OSBPL6: variants seen among roughly 807,000 people sequenced by gnomAD.
OSBPL6 encodes the protein oxysterol-binding protein-related protein 6.
Under a neutral mutation model 125.8 loss-of-function variants are expected in OSBPL6, and 49 were observed. The observed-to-expected ratio is 0.39, with a 90% CI of 0.31 to 0.49. The LOEUF (loss-of-function observed/expected upper bound fraction) is 0.49, where lower values mean the gene tolerates loss of function less well. OSBPL6 is among the 20% of genes least tolerant of loss of function. The probability of loss-of-function intolerance (pLI) is 0.88; values close to 1 mark genes in which losing one functional copy is unlikely to be tolerated. For missense variants in OSBPL6, 986 were observed against 1,135.4 expected, an observed-to-expected ratio of 0.87 and a Z score of 1.89; for synonymous variants, 394 against 391.8, an observed-to-expected ratio of 1.01 and a Z score of -0.07.
intron 20 of OSBPL6, among the ~76,000 whole-genome samples, chr2:178,388,609 A>T (rs565359715): frequency 6.6e-6 from 1 of 152,230 alleles, no homozygotes; most frequent in Non-Finnish European, 1.5e-5. Flanking sequence ...CTTACACGAA[A>T]CCCAGCCTCT....
rs1013370686 is a variant in OSBPL6 at position 178,338,844 on chromosome 2, C to G, written c.791-147C>G. 6.9e-6 allele frequency: 4 copies of G among 583,728 alleles called. No individual in the cohort carries two copies. The African/African-American group carries it at 7.6e-5, about 11-fold the overall frequency. 36.2% of individuals were successfully genotyped at this position (583,728 alleles called of 1,614,324 possible). On this transcript the variant is annotated intron_variant, in intron 9 of 24. Transcript: ENST00000190611. Reference sequence around the variant, plus strand: ...TTTTGGTTCTGCACCAGAAAAGGGTCTGTTTTGTTTCACCTGCCAGTATCT... The same window carrying G: ...TTTTGGTTCTGCACCAGAAAAGGGTGTGTTTTGTTTCACCTGCCAGTATCT...
At chr2:178,366,393 A>G (rs1001145936) in intron 13 of OSBPL6, among the ~76,000 whole-genome samples, 1 of 152,242 alleles carries the variant, frequency 6.6e-6, no homozygotes, top group African/African-American at 2.4e-5. Context: ...AAACGCAGTG[A>G]GAGTTGGGCT....
intron 3 of OSBPL6, among the ~76,000 whole-genome samples, chr2:178,321,410 G>C (rs1688237265): frequency 6.6e-6 from 1 of 152,094 alleles, no homozygotes; most frequent in South Asian, 2.1e-4. Context: ...CTTCTTTATA[G>C]CTGCTGGTGT....
chr2:178,270,103 G>A (rs777579850), intron 1 of OSBPL6, among the ~76,000 whole-genome samples: 1 of 152,230 alleles, frequency 6.6e-6, no homozygotes, highest in Non-Finnish European at 1.5e-5. Context: ...TAAAGAGGGA[G>A]CCTGTGATAG....
chr2:178,243,649 T>A (rs994733692), intron 1 of OSBPL6, among the ~76,000 whole-genome samples: 10 of 152,170 alleles, frequency 6.6e-5, no homozygotes, highest in African/African-American at 2.4e-4. Context: ...CATTCTGGGT[T>A]TTTTTGTTTC....
intron 1 of OSBPL6, among the ~76,000 whole-genome samples, chr2:178,203,440 G>T (rs1477491882): frequency 6.6e-6 from 1 of 152,202 alleles, no homozygotes; most frequent in Non-Finnish European, 1.5e-5. Context: ...AGCTCTAGAA[G>T]TGTTATTTGG....
intron 1 of OSBPL6, among the ~76,000 whole-genome samples, chr2:178,222,712 A>C (rs1219111061): frequency 6.6e-6 from 1 of 152,220 alleles, no homozygotes; most frequent in African/African-American, 2.4e-5. Context: ...TCCTTTTAAC[A>C]TTTGAAAAGT....
At chr2:178,349,092 G>T in intron 11 of OSBPL6, 132 bp from the exon 12 acceptor site, 1 of 966,612 alleles carries the variant, frequency 1.0e-6, no homozygotes, top group Non-Finnish European at 1.6e-6. Context: ...AAATAAATGA[G>T]TACTGAGTGT....
chr2:178,268,265 A>G (rs1057276516), intron 1 of OSBPL6, among the ~76,000 whole-genome samples: 1 of 151,966 alleles, frequency 6.6e-6, no homozygotes, highest in Non-Finnish European at 1.5e-5. Context: ...TATTTTTAGT[A>G]GAAACGGGAT....
intron 1 of OSBPL6, among the ~76,000 whole-genome samples, chr2:178,231,621 A>G (rs1020582162): frequency 3.3e-4 from 42 of 125,690 alleles, no homozygotes; most frequent in African/African-American, 1.3e-3. Context: ...CATCCTGACC[A>G]CCACCAGGGT....
chr2:178,339,538 C>A (rs1486161353), intron 10 of OSBPL6, 134 bp from the exon 11 acceptor site: 7 of 486,278 alleles, frequency 1.4e-5, no homozygotes, highest in Middle Eastern at 1.0e-3. Context: ...GTCTAATATG[C>A]CTTTCTGTCC....
At chr2:178,363,020 G>A (rs990492903) in intron 13 of OSBPL6, among the ~76,000 whole-genome samples, 3 of 152,138 alleles carry the variant, frequency 2.0e-5, no homozygotes, top group Admixed American at 6.5e-5. Flanking sequence ...TGAAAGTATC[G>A]TGAATCAGAA....
chr2:178,241,603 A>T (rs1306746573), intron 1 of OSBPL6, among the ~76,000 whole-genome samples: 2 of 151,784 alleles, frequency 1.3e-5, no homozygotes, highest in African/African-American at 4.8e-5. Context: ...TTTAGTAGAG[A>T]CGGGGTTTCT....
At chr2:178,249,939 A>G (rs991254215) in intron 1 of OSBPL6, among the ~76,000 whole-genome samples, 20 of 150,826 alleles carry the variant, frequency 1.3e-4, no homozygotes, top group Admixed American at 1.2e-3. Context: ...CTAATTGCCT[A>G]CTAGACATCT....
At chr2:178,382,969 A>G in intron 16 of OSBPL6, 55 bp from the exon 17 acceptor site, 1 of 1,583,560 alleles carries the variant, frequency 6.3e-7, no homozygotes, top group Non-Finnish European at 8.6e-7. Flanking sequence ...TCCCTTCTTG[A>G]TTTTGTGAAA....
At chr2:178,391,044 A>G in intron 21 of OSBPL6, 29 bp from the exon 22 acceptor site, 2 of 1,611,418 alleles carry the variant, frequency 1.2e-6, no homozygotes, top group Non-Finnish European at 1.7e-6. Flanking sequence ...AAGCCATCAA[A>G]TGTCACAATT....
At chr2:178,372,623 C>G (rs10207979) in intron 14 of OSBPL6, among the ~76,000 whole-genome samples, 114,635 of 151,716 alleles carry the variant, frequency 0.76, 43,607 homozygotes, top group East Asian at 1. Context: ...ATGTTATTAA[C>G]GTTTGTTTTG....
intron 5 of OSBPL6, 59 bp downstream of exon 5, chr2:178,328,437 T>G (rs1688890634): frequency 1.3e-6 from 2 of 1,583,552 alleles, no homozygotes; most frequent in Admixed American, 3.7e-5. Flanking sequence ...AGATCTTATT[T>G]GCTATCATGG....
At chr2:178,304,001 C>T (rs148383131) in intron 2 of OSBPL6, among the ~76,000 whole-genome samples, 72 of 152,322 alleles carry the variant, frequency 4.7e-4, no homozygotes, top group African/African-American at 1.6e-3. Context: ...TCTTAGTCCA[C>T]TTGTGCTTCT....
Sources: gnomAD v4.1 joint callset for allele counts (sites outside exome capture counted in the v4.1 genomes callset) on GRCh38, gnomAD v4.1.1 for gene constraint, MANE v1.5 for transcripts, NCBI Gene and HGNC (gene_info 2026-07-23, HGNC 2026-07-21) for gene names.